The following CHM variants were observed in gnomAD, a reference collection of about 807,000 sequenced individuals.
The protein encoded by CHM is CHM Rab escort protein.
CHM carries 10 observed loss-of-function variants against 49.0 expected under a neutral mutation model. That is an observed-to-expected ratio of 0.20 (90% CI 0.13 to 0.35). The LOEUF is 0.35. Among genes scored for constraint, CHM ranks in the 10% least tolerant of loss-of-function variants. CHM has a pLI of 1.00. For missense variants in CHM, 455 were observed against 478.4 expected (o/e 0.95, Z 0.46); for synonymous variants, 184 against 167.5 (o/e 1.10, Z -0.76).
At chrX:85,942,449 A>G (rs28367169) in intron 8 of CHM, among the ~76,000 whole-genome samples, 25,138 of 110,832 alleles carry the variant, frequency 0.23, 2,169 homozygotes, top group Non-Finnish European at 0.25. Context: ...GTGAAATGTG[A>G]TGAAACTATG....
intron 1 of CHM, among the ~76,000 whole-genome samples, chrX:86,029,075 T>C (rs986697413): frequency 4.5e-4 from 51 of 112,391 alleles, no homozygotes; most frequent in African/African-American, 1.5e-3. Context: ...GGGAATATAA[T>C]GCTTGGTTCA....
intron 2 of CHM, among the ~76,000 whole-genome samples, chrX:86,012,979 A>G (rs1205874156): frequency 9.0e-6 from 1 of 111,405 alleles, no homozygotes; most frequent in Non-Finnish European, 1.9e-5. Flanking sequence ...TATTTTACTT[A>G]TATCTACCCT....
At chrX:85,899,937 A>G (rs1359726861) in intron 11 of CHM, among the ~76,000 whole-genome samples, 1 of 110,872 alleles carries the variant, frequency 9.0e-6, no homozygotes, top group African/African-American at 3.3e-5. Context: ...TACAGAAAAA[A>G]GCAGACCCTT....
intron 8 of CHM, among the ~76,000 whole-genome samples, chrX:85,937,005 G>A (rs1003500043): frequency 9.0e-6 from 1 of 111,223 alleles, no homozygotes; most frequent in South Asian, 3.8e-4. Flanking sequence ...AGTGGCTCAC[G>A]CCTGTAATCC....
chrX:85,984,744 A>G (rs5923416), intron 2 of CHM, among the ~76,000 whole-genome samples: 30,676 of 111,283 alleles, frequency 0.28, 3,522 homozygotes, highest in Admixed American at 0.39. Context: ...GTATATCCAT[A>G]AAATGGGATA....
intron 14 of CHM, among the ~76,000 whole-genome samples, chrX:85,865,294 A>G (rs1040943863): frequency 9.0e-6 from 1 of 111,475 alleles, no homozygotes; most frequent in Non-Finnish European, 1.9e-5. Flanking sequence ...AGTTCTCAGA[A>G]TATCTGATGG....
At chrX:86,033,430 G>T (rs1280600769) in intron 1 of CHM, among the ~76,000 whole-genome samples, 2 of 112,128 alleles carry the variant, frequency 1.8e-5, no homozygotes, top group African/African-American at 6.5e-5. Context: ...TATAACCAGT[G>T]AAGACCAGAA....
At chrX:86,014,742 T>C (rs1399023692) in intron 2 of CHM, among the ~76,000 whole-genome samples, 2 of 111,761 alleles carry the variant, frequency 1.8e-5, no homozygotes, top group East Asian at 2.8e-4. Context: ...TTGCAGCACT[T>C]TGTGTGGCCA....
intron 9 of CHM, among the ~76,000 whole-genome samples, chrX:85,910,321 T>C: frequency 9.0e-6 from 1 of 111,608 alleles, no homozygotes; most frequent in Admixed American, 9.5e-5. Context: ...AGTTCAAATA[T>C]TAAAATGTTT....
chrX:86,036,429 G>A (rs1934248258), intron 1 of CHM, among the ~76,000 whole-genome samples: 1 of 111,414 alleles, frequency 9.0e-6, no homozygotes, highest in Admixed American at 9.5e-5. Flanking sequence ...AAGGATTGTG[G>A]GGACCAAATT....
intron 12 of CHM, among the ~76,000 whole-genome samples, chrX:85,880,328 T>A (rs1474187588): frequency 9.0e-6 from 1 of 111,565 alleles, no homozygotes; most frequent in Non-Finnish European, 1.9e-5. Flanking sequence ...TGGTTAACTT[T>A]TTTCAAATGC....
At chrX:86,031,064 G>A (rs995436435) in intron 1 of CHM, among the ~76,000 whole-genome samples, 1 of 111,191 alleles carries the variant, frequency 9.0e-6, no homozygotes, top group Non-Finnish European at 1.9e-5. Context: ...CAAACATAAA[G>A]CCAGTGACAG....
chrX:85,987,969 T>A (rs757376906), intron 2 of CHM, among the ~76,000 whole-genome samples: 53 of 111,141 alleles, frequency 4.8e-4, no homozygotes, highest in African/African-American at 1.7e-3. Flanking sequence ...CTGAAACTAT[T>A]CCAAAAAAAT....
At chrX:85,887,523 T>A (rs1454434884) in intron 12 of CHM, among the ~76,000 whole-genome samples, 2 of 111,254 alleles carry the variant, frequency 1.8e-5, no homozygotes, top group Non-Finnish European at 3.8e-5. Flanking sequence ...ATTGGTACCA[T>A]TAGAGTGGGG....
chrX:85,974,869 C>A (rs1177839039), intron 4 of CHM, among the ~76,000 whole-genome samples: 1 of 111,183 alleles, frequency 9.0e-6, no homozygotes, highest in African/African-American at 3.3e-5. Flanking sequence ...AATATTTGCT[C>A]TGCAAAATAT....
At chrX:86,003,462 C>T (rs895205804) in intron 2 of CHM, among the ~76,000 whole-genome samples, 58 of 111,986 alleles carry the variant, frequency 5.2e-4, no homozygotes, top group African/African-American at 1.9e-3. Flanking sequence ...ACAAACTTCT[C>T]CCAGCTAAAG....
At chrX:85,955,099 C>T (rs755291834) in intron 8 of CHM, among the ~76,000 whole-genome samples, 16 of 110,785 alleles carry the variant, frequency 1.4e-4, no homozygotes, top group Non-Finnish European at 2.8e-4. Context: ...GAGCCTGGGG[C>T]GGGTTTTGAG....
intron 8 of CHM, among the ~76,000 whole-genome samples, chrX:85,923,206 G>T (rs1192778097): frequency 8.9e-6 from 1 of 112,101 alleles, no homozygotes; most frequent in Non-Finnish European, 1.9e-5. Flanking sequence ...TATAAAATGG[G>T]GATAATGATA....
chrX:86,025,026 A>C (rs752998668), intron 2 of CHM, among the ~76,000 whole-genome samples: 1 of 111,330 alleles, frequency 9.0e-6, no homozygotes, highest in East Asian at 2.9e-4. Flanking sequence ...GAACAGATTC[A>C]GATCAGGAGA....
Sources: gnomAD v4.1 joint callset for allele counts (sites outside exome capture counted in the v4.1 genomes callset) on GRCh38, gnomAD v4.1.1 for gene constraint, MANE v1.5 for transcripts, NCBI Gene and HGNC (gene_info 2026-07-23, HGNC 2026-07-21) for gene names.